Variants in TIAM1 observed in about 807,000 individuals in gnomAD.
TIAM1 encodes the protein rho guanine nucleotide exchange factor TIAM1.
A neutral mutation model predicts 163.5 loss-of-function variants in TIAM1; 65 were observed. The ratio of observed to expected loss-of-function variants is 0.40; its 90% confidence interval spans 0.33 to 0.49. The LOEUF is 0.49. Ranked by LOEUF, TIAM1 falls within the 20% of genes least tolerant of loss-of-function variation. TIAM1 has a pLI of 0.77. For missense variants in TIAM1, 1,789 were observed against 2,044.7 expected (o/e 0.87, Z 2.41); for synonymous variants, 833 against 810.1 (o/e 1.03, Z -0.48).
At chr21:31,224,392 G>A (rs761583995) in intron 7 of TIAM1, among the ~76,000 whole-genome samples, 5 of 152,324 alleles carry the variant, frequency 3.3e-5, no homozygotes, top group Admixed American at 1.3e-4. Flanking sequence ...TGGTGTATAC[G>A]TACAACCAGA....
At chr21:31,457,612 G>C (rs138901882) in intron 2 of TIAM1, among the ~76,000 whole-genome samples, 1 of 152,194 alleles carries the variant, frequency 6.6e-6, no homozygotes. Flanking sequence ...TACGGTCATT[G>C]TCATATCTAA....
chr21:31,485,208 A>G (rs1431190658), intron 1 of TIAM1, among the ~76,000 whole-genome samples: 1 of 152,098 alleles, frequency 6.6e-6, no homozygotes, highest in Non-Finnish European at 1.5e-5. Flanking sequence ...GTGTAGAGCA[A>G]CACGCTGCCT....
At chr21:31,231,526 G>A (rs2088429916) in intron 6 of TIAM1, among the ~76,000 whole-genome samples, 1 of 152,242 alleles carries the variant, frequency 6.6e-6, no homozygotes. Flanking sequence ...GAGAGTTCAC[G>A]TTTGTCTTCC....
At chr21:31,460,645 G>A (rs555904526) in intron 2 of TIAM1, among the ~76,000 whole-genome samples, 2 of 152,082 alleles carry the variant, frequency 1.3e-5, no homozygotes, top group Non-Finnish European at 2.9e-5. Context: ...AATGAAAAAG[G>A]AAGTGCTACT....
intron 2 of TIAM1, among the ~76,000 whole-genome samples, chr21:31,382,362 G>A (rs2076793284): frequency 6.6e-6 from 1 of 152,152 alleles, no homozygotes; most frequent in African/African-American, 2.4e-5. Context: ...AAGGGCAGAA[G>A]AAAATAAAAA....
rs890080959 is a variant in TIAM1, at chr21:31,537,495, T to C, written c.-422+21432A>G. Among the ~76,000 whole-genome samples, 7 of 151,098 alleles carry C rather than the reference T, an allele frequency of 4.6e-5. 1 individual carries two copies. Among genetic ancestry groups the C allele is most frequent in the African/African-American group, 1.5e-4 (6 of 41,154 alleles). ...GGCCGAGAGCAGTGGCTCATGCCTG[T>C]TATCCCAGCACTTTGGGAGGCTAAG... On this transcript the variant is annotated intron_variant, in intron 1 of 28. Transcript: ENST00000286827.
At chr21:31,157,299 GTGTGT>G (rs2083669379) in intron 16 of TIAM1, among the ~76,000 whole-genome samples, 1 of 152,296 alleles carries the variant, frequency 6.6e-6, no homozygotes, top group East Asian at 1.9e-4. Flanking sequence ...CATAGCGGTA[GTGTGT>G]TAAGTCAAGC....
intron 15 of TIAM1, among the ~76,000 whole-genome samples, chr21:31,179,028 G>A (rs1164156420): frequency 6.6e-6 from 1 of 151,840 alleles, no homozygotes. Flanking sequence ...TGGGATTACA[G>A]GCGTGAGCCA....
intron 1 of TIAM1, among the ~76,000 whole-genome samples, chr21:31,538,198 C>T (rs903241706): frequency 2.6e-5 from 4 of 152,136 alleles, no homozygotes; most frequent in African/African-American, 7.2e-5. Context: ...AATACAATAA[C>T]GTACACTTTT....
At chr21:31,325,918 C>T (rs1297930195) in intron 2 of TIAM1, among the ~76,000 whole-genome samples, 1 of 152,190 alleles carries the variant, frequency 6.6e-6, no homozygotes. Context: ...ATACTACACA[C>T]TGGCATTTAG....
chr21:31,452,678 A>G, intron 2 of TIAM1: 1 of 438,154 alleles, frequency 2.3e-6, no homozygotes, highest in Non-Finnish European at 4.3e-6. Context: ...TATCTCCAGA[A>G]TATATTTTTC....
intron 2 of TIAM1, among the ~76,000 whole-genome samples, chr21:31,408,995 C>G: frequency 9.7e-6 from 1 of 102,968 alleles, no homozygotes; most frequent in East Asian, 2.4e-4. Context: ...ACCCACATGC[C>G]CCCCCCTCCA....
chr21:31,357,544 C>T (rs755869048), intron 2 of TIAM1, among the ~76,000 whole-genome samples: 36 of 152,204 alleles, frequency 2.4e-4, no homozygotes, highest in Non-Finnish European at 4.1e-4. Context: ...ACCCCTTGCT[C>T]ACTCAAGGGC....
intron 15 of TIAM1, among the ~76,000 whole-genome samples, chr21:31,175,429 C>G (rs959517674): frequency 6.6e-6 from 1 of 152,196 alleles, no homozygotes; most frequent in Non-Finnish European, 1.5e-5. Flanking sequence ...CGGAAAGACA[C>G]TAATGGTGTC....
chr21:31,210,803 AAAGAAAG>A, intron 10 of TIAM1, among the ~76,000 whole-genome samples: 1 of 144,062 alleles, frequency 6.9e-6, no homozygotes, highest in East Asian at 1.9e-4. Context: ...AGAAAGAAAG[AAAGAAAG>A]AAAGGTCACC....
intron 2 of TIAM1, among the ~76,000 whole-genome samples, chr21:31,366,042 G>A (rs937136930): frequency 3.1e-5 from 4 of 130,056 alleles, no homozygotes; most frequent in Non-Finnish European, 4.6e-5. Context: ...AGCCGAGGTA[G>A]CTCCACTGCA....
rs148708032 is a variant in TIAM1 at position 31,332,758 on chromosome 21, T to C, written c.-189+6485A>G. ...AACACCCACACTCACATTCACACTA[T>C]GTATGTGATCATTAAAATCACCCTC... On this transcript the variant is annotated intron_variant, in intron 2 of 27. Coordinates refer to ENST00000541036, the MANE Select transcript of TIAM1 (RefSeq NM_001353694.2). Among the ~76,000 whole-genome samples the C allele has an allele frequency of 1.5e-4, 22 of 151,270 alleles. No homozygotes were observed. In the East Asian group the frequency reaches 3.5e-3, roughly 24 times the overall value.
intron 6 of TIAM1, among the ~76,000 whole-genome samples, chr21:31,244,015 G>A (rs11702527): frequency 6.6e-6 from 1 of 152,118 alleles, no homozygotes; most frequent in African/African-American, 2.4e-5. Flanking sequence ...AGGTGGCTTA[G>A]GTGCCTGAAA....
rs2081883974 is a variant in TIAM1, at chr21:31,118,461, C to T, written c.*1907G>A. 1 of 399,970 alleles carries T rather than the reference C, an allele frequency of 2.5e-6. No homozygotes were observed. The highest frequency in any genetic ancestry group is 1.9e-5 in the South Asian group (1 of 51,538). 24.8% of individuals were successfully genotyped at this position (399,970 alleles called of 1,614,324 possible). A position where few individuals can be genotyped will look rare whatever the true frequency, so the allele number is the denominator to read the frequency against. On this transcript the variant is annotated 3_prime_UTR_variant, in exon 28 of 28. Coordinates refer to ENST00000541036, the MANE Select transcript of TIAM1 (RefSeq NM_001353694.2). Reference sequence around the variant, plus strand: ...TTGTTTGACAAGCATTTACAACGTTCCATTCATAGACCTAAAAACATAAAA... The same window carrying T: ...TTGTTTGACAAGCATTTACAACGTTTCATTCATAGACCTAAAAACATAAAA...
Sources: gnomAD v4.1 joint callset for allele counts (sites outside exome capture counted in the v4.1 genomes callset) on GRCh38, gnomAD v4.1.1 for gene constraint, MANE v1.5 for transcripts, NCBI Gene and HGNC (gene_info 2026-07-23, HGNC 2026-07-21) for gene names.